Variants in ASMTL observed in about 807,000 individuals in gnomAD.
The protein encoded by ASMTL is probable bifunctional dTTP/UTP pyrophosphatase/methyltransferase protein.
In ASMTL, 57 loss-of-function variants were observed where a neutral mutation model predicts 60.3. The ratio of observed to expected loss-of-function variants is 0.95; its 90% CI spans 0.76 to 1.18. The LOEUF (loss-of-function observed/expected upper bound fraction) is 1.18. ASMTL is among the 50% of genes most tolerant of loss of function. The probability of loss-of-function intolerance (pLI) is 0.00; values close to 1 mark genes in which losing one functional copy is unlikely to be tolerated. For missense variants in ASMTL, 981 were observed against 852.6 expected, an observed-to-expected ratio of 1.15 and a Z score of -1.88; for synonymous variants, 419 against 373.0, an observed-to-expected ratio of 1.12 and a Z score of -1.42.
At chrX:1,444,135 T>G (rs1310376840) in intron 1 of ASMTL, among the ~76,000 whole-genome samples, 3 of 151,508 alleles carry the variant, frequency 2.0e-5, no homozygotes, top group Non-Finnish European at 4.4e-5. Flanking sequence ...CAATCAATTT[T>G]CCCTCACACA....
At chrX:1,405,112 G>A (rs1440359850) in intron 12 of ASMTL, among the ~76,000 whole-genome samples, 4 of 151,492 alleles carry the variant, frequency 2.6e-5, no homozygotes, top group Admixed American at 6.6e-5. Flanking sequence ...TGAGTGAACA[G>A]ATGGTAGATT....
Position 1,443,416 on chromosome X carries a change from T to TGGACACACGCCGCCATCG in ASMTL, c.94-1100_94-1099insCGATGGCGGCGTGTGTCC, listed in dbSNP as rs1569534756. Among the ~76,000 whole-genome samples the TGGACACACGCCGCCATCG allele has an allele frequency of 9.7e-4, 121 of 125,370 alleles. 18 individuals are homozygous for TGGACACACGCCGCCATCG. The highest frequency in any genetic ancestry group is 4.5e-3 in the African/African-American group (112 of 24,684). The allele number at this position is 125,370 out of a possible 152,430, so 82.2% of individuals were successfully genotyped here. A position where few individuals can be genotyped will look rare whatever the true frequency, so the allele number is the denominator to read the frequency against. ...GCCATCTTGGACACACGCCGCCATCTTGGACACACACCGCCATCTTGGACA... is the reference window on the plus strand; with the variant it reads ...GCCATCTTGGACACACGCCGCCATCTGGACACACGCCGCCATCGTGGACACACACCGCCATCTTGGACA... On this transcript the variant is annotated intron_variant, in intron 1 of 12. Coordinates refer to ENST00000381317, the MANE Select transcript of ASMTL (RefSeq NM_004192.4).
intron 11 of ASMTL, 135 bp from the exon 12 acceptor site, chrX:1,412,989 C>G: frequency 3.2e-6 from 3 of 938,926 alleles, no homozygotes; most frequent in Non-Finnish European, 5.1e-6. Flanking sequence ...ATGGGTCTTC[C>G]TGAAGTACAT....
chrX:1,436,687 C>G (rs1709451249), intron 3 of ASMTL, among the ~76,000 whole-genome samples: 1 of 152,156 alleles, frequency 6.6e-6, no homozygotes, highest in Non-Finnish European at 1.5e-5. Context: ...TAATATTCCA[C>G]TGTGTGTGGA....
chrX:1,438,615 C>T (rs1380825776), intron 3 of ASMTL, among the ~76,000 whole-genome samples: 13 of 152,182 alleles, frequency 8.5e-5, no homozygotes, highest in Admixed American at 3.9e-4. Flanking sequence ...TGGGTTCGAG[C>T]GATTCCCCTG....
At chrX:1,451,798 T>G (rs1194460680) in intron 1 of ASMTL, among the ~76,000 whole-genome samples, 2 of 141,244 alleles carry the variant, frequency 1.4e-5, no homozygotes, top group Admixed American at 7.0e-5. Flanking sequence ...CCCGGGTTAC[T>G]CTCCCCATCC....
Position 1,403,333 on chromosome X carries a change from T to C in ASMTL, c.1802A>G (p.Gln601Arg), listed in dbSNP as rs756867889. 8 of 1,613,326 alleles carry C rather than the reference T, an allele frequency of 5.0e-6. No individual in the cohort carries two copies. The highest frequency in any genetic ancestry group is 6.8e-6 in the Non-Finnish European group (8 of 1,179,852). The stretch of plus-strand genomic sequence containing the variant: ...ACCCCCCAAGTGCACCACCTGCACC[T>C]GGTGGAAGCCGTGCAGCTCCAGCAA... ...QCLLELHGFH[Q>R]VQVVHLGGVL... Residue 601 changes from glutamine to arginine, a missense_variant, in exon 13 of 13, where the codon CAG (glutamine) becomes CGG (arginine). By Grantham distance (43) the Gln-to-Arg change is conservative (BLOSUM62 1). Transcript: ENST00000381317.
chrX:1,434,316 C>T (rs756485697), intron 5 of ASMTL, among the ~76,000 whole-genome samples: 2 of 151,758 alleles, frequency 1.3e-5, no homozygotes, highest in East Asian at 1.9e-4. Context: ...ATAGCAAGAC[C>T]GCACCTCTAT....
rs182588559 is a variant in ASMTL, at chrX:1,437,875, G to A, written c.273+1222C>T. ...TCATGCCACTACAGTCCAGCCTGGCGACAGAGTGAGACTCCATCTCAAAAA... is the reference window on the plus strand; with the variant it reads ...TCATGCCACTACAGTCCAGCCTGGCAACAGAGTGAGACTCCATCTCAAAAA... On this transcript the variant is annotated intron_variant, in intron 3 of 12. Transcript: ENST00000381317. Among the ~76,000 whole-genome samples the A allele has an allele frequency of 3.4e-5, 5 of 147,148 alleles. No individual in the cohort carries two copies. The South Asian group carries it at 8.7e-4, about 26-fold the overall frequency.
At chrX:1,404,090 T>C (rs2089699545) in intron 12 of ASMTL, among the ~76,000 whole-genome samples, 1 of 149,922 alleles carries the variant, frequency 6.7e-6, no homozygotes, top group Non-Finnish European at 1.5e-5. Flanking sequence ...ACATGATGGG[T>C]AGGTAGGAAG....
intron 12 of ASMTL, among the ~76,000 whole-genome samples, chrX:1,407,397 G>T (rs61091206): frequency 0.024 from 3,494 of 148,024 alleles, 145 homozygotes; most frequent in African/African-American, 0.083. Flanking sequence ...TGAATGGATG[G>T]ATATAGATGG....
chrX:1,433,030 G>A (rs780851987), intron 5 of ASMTL, among the ~76,000 whole-genome samples: 27 of 152,076 alleles, frequency 1.8e-4, no homozygotes, highest in Admixed American at 5.9e-4. Flanking sequence ...CCCGGGAGGC[G>A]GAGGTTGCAG....
chrX:1,417,461 GCA>G (rs770876576), intron 11 of ASMTL, among the ~76,000 whole-genome samples: 45 of 146,530 alleles, frequency 3.1e-4, no homozygotes, highest in East Asian at 2.9e-3. Context: ...ACACAGACGT[GCA>G]CACACAGTTA....
rs1271282237 is a variant in ASMTL, at chrX:1,412,802, C to T, written c.1575G>A (p.Arg525=). Residue 525 remains arginine (R), a synonymous_variant, in exon 12 of 13, where the codon CGG becomes CGA. Coordinates refer to ENST00000381317, the MANE Select transcript of ASMTL (RefSeq NM_004192.4). ...TGTCGTCTGGCCAGTCATGCAGGATCCGGCACAGGACGTACAGCTCAGCGC... is the reference window on the plus strand; with the variant it reads ...TGTCGTCTGGCCAGTCATGCAGGATTCGGCACAGGACGTACAGCTCAGCGC... ...LPSAELYVLC[R]ILHDWPDDKV... 5 of 1,613,976 alleles carry T rather than the reference C, an allele frequency of 3.1e-6. No homozygotes were observed. The highest frequency in any genetic ancestry group is 4.2e-6 in the Non-Finnish European group (5 of 1,179,868).
rs5025695 is a variant in ASMTL, at chrX:1,414,824, G to T, written c.1523-1970C>A. ...GGTTGCGTTTTGTTTTTTTAAAAACGAGAAAAGCATCCAGGAACCTCTGGG... is the reference window on the plus strand; with the variant it reads ...GGTTGCGTTTTGTTTTTTTAAAAACTAGAAAAGCATCCAGGAACCTCTGGG... On this transcript the variant is annotated intron_variant, in intron 11 of 12. Transcript: ENST00000381317. 0.93 allele frequency among the ~76,000 whole-genome samples: 141,250 copies of T among 152,112 alleles called. 66,267 individuals are homozygous for T. The highest frequency in any genetic ancestry group is 1 in the East Asian group (5,169 of 5,172).
At chrX:1,405,583 G>A (rs1309384276) in intron 12 of ASMTL, among the ~76,000 whole-genome samples, 1 of 151,598 alleles carries the variant, frequency 6.6e-6, no homozygotes, top group Admixed American at 6.6e-5. Flanking sequence ...GAGATGGATG[G>A]ATGGGTGAAT....
chrX:1,437,591 G>A (rs746643444), intron 3 of ASMTL, among the ~76,000 whole-genome samples: 1 of 152,192 alleles, frequency 6.6e-6, no homozygotes, highest in East Asian at 1.9e-4. Context: ...ACCATAGACT[G>A]GGTGGCTTAT....
At chrX:1,450,494 C>A (rs1256113361) in intron 1 of ASMTL, among the ~76,000 whole-genome samples, 2 of 149,128 alleles carry the variant, frequency 1.3e-5, no homozygotes, top group Non-Finnish European at 3.0e-5. Flanking sequence ...TTACTCTCCC[C>A]TCCCTTATCC....
chrX:1,424,193 CATCT>C (rs2090550661), intron 8 of ASMTL, among the ~76,000 whole-genome samples: 1 of 137,466 alleles, frequency 7.3e-6, no homozygotes, highest in African/African-American at 2.9e-5. Flanking sequence ...CCCACCCACC[CATCT>C]GTTCACCCAC....
Sources: gnomAD v4.1 joint callset for allele counts (sites outside exome capture counted in the v4.1 genomes callset) on GRCh38, gnomAD v4.1.1 for gene constraint, MANE v1.5 for transcripts, NCBI Gene and HGNC (gene_info 2026-07-23, HGNC 2026-07-21) for gene names.